LYRM7: variants seen among roughly 807,000 people sequenced by gnomAD.
LYRM7 encodes complex III assembly factor LYRM7.
Under a neutral mutation model 15.8 loss-of-function variants are expected in LYRM7, and 9 were observed. The observed-to-expected ratio is 0.57, with a 90% confidence interval of 0.34 to 0.99. LYRM7 has a LOEUF of 0.99. Ranked by LOEUF, LYRM7 falls within the 50% of genes least tolerant of loss-of-function variation. The pLI, the probability that LYRM7 is intolerant of heterozygous loss-of-function variation, is 0.02. For missense variants in LYRM7, 115 were observed against 119.1 expected (o/e 0.97, Z 0.16); for synonymous variants, 39 against 39.4 (o/e 0.99, Z 0.04).
intron 4 of LYRM7, among the ~76,000 whole-genome samples, chr5:131,188,699 T>G (rs903654322): frequency 1.3e-5 from 2 of 152,214 alleles, no homozygotes; most frequent in Non-Finnish European, 2.9e-5. Context: ...GTGGCTTTCC[T>G]TTTCACTTTG....
In LYRM7 at chr5:131,179,944, A is replaced by T. The variant is rs183113457; in HGVS notation, c.19-151A>T. 9.1e-3 allele frequency: 4,127 copies of T among 453,152 alleles called. 26 individuals carry two copies. Among genetic ancestry groups the T allele is most frequent in the Non-Finnish European group, 0.012 (2,991 of 252,302 alleles). 28.1% of individuals were successfully genotyped at this position (453,152 alleles called of 1,614,324 possible). On this transcript the variant is annotated intron_variant, in intron 1 of 4. Coordinates refer to ENST00000379380, the MANE Select transcript of LYRM7 (RefSeq NM_181705.4). ...GAGTGAGACTGCAAGTCAAAAAAAA[A>T]TTTTTTTTTTGTAGAGATGGGGGTC...
intron 3 of LYRM7, among the ~76,000 whole-genome samples, chr5:131,184,487 A>T (rs1466749275): frequency 6.6e-6 from 1 of 152,192 alleles, no homozygotes; most frequent in Non-Finnish European, 1.5e-5. Flanking sequence ...GATTACAGGC[A>T]TAAGCCACGT....
intron 4 of LYRM7, among the ~76,000 whole-genome samples, chr5:131,195,500 G>T (rs112957400): frequency 1.6e-3 from 247 of 152,264 alleles, no homozygotes; most frequent in African/African-American, 5.6e-3. Context: ...GGGAAATTCT[G>T]AGCTGTAACA....
intron 2 of LYRM7, among the ~76,000 whole-genome samples, chr5:131,181,417 T>TG (rs1246590037): frequency 9.4e-6 from 1 of 106,200 alleles, no homozygotes; most frequent in Non-Finnish European, 1.7e-5. Flanking sequence ...ATATATATGT[T>TG]TATATATATA....
chr5:131,184,955 A>G (rs1035324966), intron 3 of LYRM7, among the ~76,000 whole-genome samples: 2 of 152,064 alleles, frequency 1.3e-5, no homozygotes, highest in African/African-American at 4.8e-5. Context: ...TCACACTTAT[A>G]TCCAATCTGA....
At chr5:131,173,793 A>G (rs1580691047) in intron 1 of LYRM7, among the ~76,000 whole-genome samples, 1 of 152,320 alleles carries the variant, frequency 6.6e-6, no homozygotes, top group South Asian at 2.1e-4. Flanking sequence ...ATAAAAAAAT[A>G]CTTTTTTGCT....
chr5:131,178,786 C>A (rs1256525969), intron 1 of LYRM7, among the ~76,000 whole-genome samples: 1 of 151,912 alleles, frequency 6.6e-6, no homozygotes, highest in Non-Finnish European at 1.5e-5. Context: ...ATGGTGAAAC[C>A]CCGTGTCTAC....
chr5:131,199,432 G>A, intron 4 of LYRM7, 99 bp from the exon 5 acceptor site: 5 of 775,522 alleles, frequency 6.4e-6, no homozygotes, highest in Non-Finnish European at 1.0e-5. Flanking sequence ...CTTAAAACTG[G>A]ATATTTTACT....
At chr5:131,192,648 AATT>A in intron 4 of LYRM7, among the ~76,000 whole-genome samples, 1 of 152,192 alleles carries the variant, frequency 6.6e-6, no homozygotes, top group Non-Finnish European at 1.5e-5. Flanking sequence ...CATTTGAAAT[AATT>A]CCTTATTTTT....
chr5:131,190,088 C>T (rs996564646), intron 4 of LYRM7, among the ~76,000 whole-genome samples: 22 of 149,964 alleles, frequency 1.5e-4, no homozygotes, highest in African/African-American at 5.2e-4. Context: ...GACCCGAGAT[C>T]GCACCACTGC....
intron 4 of LYRM7, among the ~76,000 whole-genome samples, chr5:131,188,974 C>T (rs916210401): frequency 2.0e-5 from 3 of 151,132 alleles, no homozygotes; most frequent in Admixed American, 2.0e-4. Context: ...TGGTGAAACC[C>T]CATTTTCACT....
At position 131,200,833 on chromosome 5, in the gene LYRM7, A is replaced by G. The variant is rs1370638335; in HGVS notation, c.*1232A>G. ...GGCTGACGTTATTTAAATTTAATAT[A>G]TATTCTATATTTTAGTGTTATTGAA... On this transcript the variant is annotated 3_prime_UTR_variant, in exon 5 of 5. Transcript: ENST00000379380. The G allele has an allele frequency of 6.6e-6, 1 of 152,026 alleles. No individual in the cohort carries two copies. The highest frequency in any genetic ancestry group is 1.5e-5 in the Non-Finnish European group (1 of 68,016). 9.4% of individuals were successfully genotyped at this position (152,026 alleles called of 1,614,324 possible).
intron 2 of LYRM7, among the ~76,000 whole-genome samples, chr5:131,181,428 T>TAACATATATATGTATATATATAA (rs1755707945): frequency 9.0e-6 from 1 of 111,446 alleles, no homozygotes; most frequent in African/African-American, 5.1e-5. Flanking sequence ...TATATATATA[T>TAACATATATATGTATATATATAA]AACATATATA....
At chr5:131,182,447 T>C (rs1755729545) in intron 3 of LYRM7, 148 bp downstream of exon 3, 5 of 754,870 alleles carry the variant, frequency 6.6e-6, no homozygotes, top group Non-Finnish European at 9.3e-6. Context: ...TTATTTGGTA[T>C]GGCTCACCTC....
intron 4 of LYRM7, among the ~76,000 whole-genome samples, chr5:131,188,039 T>C (rs1755825135): frequency 6.6e-6 from 1 of 151,924 alleles, no homozygotes; most frequent in Non-Finnish European, 1.5e-5. Flanking sequence ...GGAGTCTAGA[T>C]TGAGCCCAGG....
chr5:131,203,913 C>T lies in LYRM7; in HGVS notation c.*4312C>T, dbSNP rs1756121409. ...GCAAATGATACAAATAAGAAATTCA[C>T]AAAAGAAGAAATACTAAGTCTCTAG... On this transcript the variant is annotated 3_prime_UTR_variant, in exon 5 of 5. Transcript: ENST00000379380. The T allele has an allele frequency of 6.6e-6, 1 of 152,028 alleles. No homozygotes were observed. Among genetic ancestry groups the T allele is most frequent in the South Asian group, 2.1e-4 (1 of 4,830 alleles). The allele number at this position is 152,028 out of a possible 1,614,324, so 9.4% of individuals were successfully genotyped here.
chr5:131,193,010 A>G (rs1208452522), intron 4 of LYRM7, among the ~76,000 whole-genome samples: 1 of 152,140 alleles, frequency 6.6e-6, no homozygotes, highest in Non-Finnish European at 1.5e-5. Context: ...ATTATTTTTT[A>G]CGGTACTTAG....
chr5:131,181,302 A>AAAAATATATATATATATATATAT (rs1554089865), intron 2 of LYRM7, among the ~76,000 whole-genome samples: 3 of 8,772 alleles, frequency 3.4e-4, no homozygotes, highest in Non-Finnish European at 6.7e-4. Context: ...AAAAAAAAAA[A>AAAAATATATATATATATATATAT]ATATATATAT....
At position 131,171,024 on chromosome 5, in the gene LYRM7, G is replaced by T; in HGVS notation, c.4G>T (p.Gly2Ter). 6.5e-7 allele frequency: 1 copy of T among 1,540,534 alleles called. No individual in the cohort carries two copies. Among genetic ancestry groups the T allele is most frequent in the Non-Finnish European group, 8.7e-7 (1 of 1,151,908 alleles). The change falls in exon 1 of 5, where the codon GGA becomes TGA. Residue 2 changes from glycine to a stop codon, truncating the protein, a stop_gained. Coordinates refer to ENST00000379380, the MANE Select transcript of LYRM7 (RefSeq NM_181705.4). LOFTEE classifies it high-confidence loss of function. Reference sequence around the variant, plus strand: ...AGCGGCCGCGGTGAGGAGAGCCATGGGACGGGCAGTCAAGGTGACAGGGCC... The same window carrying T: ...AGCGGCCGCGGTGAGGAGAGCCATGTGACGGGCAGTCAAGGTGACAGGGCC... M[G>*]RAVKVLQLFK...
Sources: allele counts gnomAD v4.1 joint callset (sites outside exome capture counted in the v4.1 genomes callset), GRCh38; gene constraint gnomAD v4.1.1; transcripts MANE v1.5; gene names NCBI Gene and HGNC (gene_info 2026-07-23, HGNC 2026-07-21).